The following ADGRL3 variants were observed in gnomAD, a reference collection of about 807,000 sequenced individuals.
The protein encoded by ADGRL3 is calcium-independent alpha-latrotoxin receptor 3.
Under a neutral mutation model 153.5 loss-of-function variants are expected in ADGRL3, and 62 were observed. The observed-to-expected ratio is 0.40, with a 90% CI of 0.33 to 0.50. ADGRL3 has a LOEUF of 0.50. Among genes scored for constraint, ADGRL3 ranks in the 20% least tolerant of loss-of-function variants. The pLI is 0.47. For missense variants in ADGRL3, 1,641 were observed against 1,859.4 expected (o/e 0.88, Z 2.16); for synonymous variants, 710 against 672.5 (o/e 1.06, Z -0.86).
At chr4:61,522,570 C>T (rs1280715674) in intron 4 of ADGRL3, among the ~76,000 whole-genome samples, 1 of 152,084 alleles carries the variant, frequency 6.6e-6, no homozygotes, top group African/African-American at 2.4e-5. Context: ...AAAAGGGTGG[C>T]AAAACCTCAT....
chr4:61,595,500 G>T (rs191062907), intron 5 of ADGRL3, among the ~76,000 whole-genome samples: 14 of 151,632 alleles, frequency 9.2e-5, no homozygotes, highest in Non-Finnish European at 1.9e-4. Context: ...TCTGCCCGGC[G>T]CCCTATCCTA....
intron 8 of ADGRL3, among the ~76,000 whole-genome samples, chr4:61,734,589 C>A (rs950185274): frequency 6.6e-6 from 1 of 152,104 alleles, no homozygotes; most frequent in African/African-American, 2.4e-5. Context: ...GGGGAGACTG[C>A]CCCCATGATC....
intron 11 of ADGRL3, among the ~76,000 whole-genome samples, chr4:61,905,630 C>A (rs1244330350): frequency 6.6e-6 from 1 of 152,090 alleles, no homozygotes; most frequent in African/African-American, 2.4e-5. Context: ...TGCAGTAGTT[C>A]ACGCCTATGA....
intron 10 of ADGRL3, among the ~76,000 whole-genome samples, chr4:61,894,637 C>T (rs758084116): frequency 6.6e-6 from 1 of 152,096 alleles, no homozygotes; most frequent in Non-Finnish European, 1.5e-5. Context: ...TTTTCAGTGA[C>T]AATTGGAAAA....
At chr4:61,831,678 A>T (rs1381332498) in intron 9 of ADGRL3, among the ~76,000 whole-genome samples, 3 of 152,138 alleles carry the variant, frequency 2.0e-5, no homozygotes, top group Non-Finnish European at 2.9e-5. Flanking sequence ...TGGAAAGTTC[A>T]TTAAGGTATC....
At chr4:62,049,237 T>A (rs1732819370) in intron 25 of ADGRL3, among the ~76,000 whole-genome samples, 1 of 152,100 alleles carries the variant, frequency 6.6e-6, no homozygotes, top group South Asian at 2.1e-4. Flanking sequence ...AGCCCTGAAG[T>A]TATTGTAAAA....
chr4:61,502,450 G>A (rs553697760), intron 3 of ADGRL3, among the ~76,000 whole-genome samples: 6 of 148,824 alleles, frequency 4.0e-5, no homozygotes, highest in African/African-American at 1.2e-4. Flanking sequence ...AAACTGCAAC[G>A]TAAAAAAAAT....
At chr4:61,784,716 G>C (rs1483200798) in intron 8 of ADGRL3, among the ~76,000 whole-genome samples, 1 of 152,074 alleles carries the variant, frequency 6.6e-6, no homozygotes, top group Non-Finnish European at 1.5e-5. Context: ...CAGCTTTTAG[G>C]AAGAATGTCA....
At chr4:62,023,026 C>T (rs903275500) in intron 21 of ADGRL3, among the ~76,000 whole-genome samples, 1 of 35,790 alleles carries the variant, frequency 2.8e-5, no homozygotes, top group African/African-American at 4.8e-5. Context: ...TGGATCTGGA[C>T]AAACTAAATT....
chr4:62,005,084 G>A (rs1445172665), intron 21 of ADGRL3, among the ~76,000 whole-genome samples: 1 of 152,106 alleles, frequency 6.6e-6, no homozygotes, highest in Admixed American at 6.6e-5. Flanking sequence ...GTAATAGTGG[G>A]TCCTTTGCTG....
At chr4:61,651,820 A>G (rs1330277524) in intron 5 of ADGRL3, among the ~76,000 whole-genome samples, 1 of 145,726 alleles carries the variant, frequency 6.9e-6, no homozygotes, top group Non-Finnish European at 1.5e-5. Flanking sequence ...GTTTCACCAT[A>G]TTGGCCAGGA....
intron 8 of ADGRL3, among the ~76,000 whole-genome samples, 178 bp from the exon 9 acceptor site, chr4:61,813,631 C>T (rs1580956446): frequency 6.6e-6 from 1 of 152,022 alleles, no homozygotes; most frequent in Admixed American, 6.6e-5. Context: ...AAAAGCACTG[C>T]TTTAATTGGG....
At chr4:61,240,554 C>A (rs1432756888) in intron 1 of ADGRL3, among the ~76,000 whole-genome samples, 3 of 152,036 alleles carry the variant, frequency 2.0e-5, no homozygotes, top group Non-Finnish European at 4.4e-5. Context: ...ATGTCTTTAT[C>A]TGTAATTTTT....
At chr4:61,332,334 C>G (rs2095588771) in intron 1 of ADGRL3, among the ~76,000 whole-genome samples, 1 of 152,032 alleles carries the variant, frequency 6.6e-6, no homozygotes, top group Non-Finnish European at 1.5e-5. Context: ...GTTAAGTGTT[C>G]TGAGTGAAGG....
intron 1 of ADGRL3, among the ~76,000 whole-genome samples, chr4:61,285,434 C>T (rs1031841956): frequency 2.0e-5 from 3 of 151,772 alleles, no homozygotes; most frequent in East Asian, 1.9e-4. Flanking sequence ...TATTTTTCCT[C>T]GGTTTCTCAA....
chr4:62,005,999 CACACAT>C (rs1390986560), intron 21 of ADGRL3, among the ~76,000 whole-genome samples: 1,510 of 82,388 alleles, frequency 0.018, 18 homozygotes, highest in South Asian at 0.03. Context: ...CACACACACA[CACACAT>C]ATATATATAT....
At chr4:61,627,066 A>C (rs2092875339) in intron 5 of ADGRL3, among the ~76,000 whole-genome samples, 1 of 152,108 alleles carries the variant, frequency 6.6e-6, no homozygotes. Flanking sequence ...TTTTCAAATA[A>C]ATTAAAATAA....
intron 2 of ADGRL3, among the ~76,000 whole-genome samples, chr4:61,403,746 T>C (rs991904106): frequency 2.0e-5 from 3 of 151,998 alleles, no homozygotes; most frequent in African/African-American, 7.2e-5. Context: ...GACAGGCTTG[T>C]GTGACTGATC....
chr4:62,029,713 T>C, intron 22 of ADGRL3, among the ~76,000 whole-genome samples: 1 of 151,086 alleles, frequency 6.6e-6, no homozygotes, highest in East Asian at 1.9e-4. Flanking sequence ...TGTTTTTTTT[T>C]TTTTTTTAGA....
Sources: gnomAD v4.1 joint callset for allele counts (sites outside exome capture counted in the v4.1 genomes callset) on GRCh38, gnomAD v4.1.1 for gene constraint, MANE v1.5 for transcripts, NCBI Gene and HGNC (gene_info 2026-07-23, HGNC 2026-07-21) for gene names.